Variants in MRTFA observed in about 807,000 individuals in gnomAD.
MRTFA encodes myocardin related transcription factor A.
Under a neutral mutation model 83.5 loss-of-function variants are expected in MRTFA, and 20 were observed. That is an observed-to-expected ratio of 0.24 (90% CI 0.17 to 0.35). The LOEUF is 0.35. Among genes scored for constraint, MRTFA ranks in the 10% least tolerant of loss-of-function variants. The probability of loss-of-function intolerance (pLI) is 1.00; values close to 1 mark genes in which losing one functional copy is unlikely to be tolerated. For missense variants in MRTFA, 1,200 were observed against 1,224.7 expected, an observed-to-expected ratio of 0.98 and a Z score of 0.30; for synonymous variants, 659 against 541.2, an observed-to-expected ratio of 1.22 and a Z score of -3.02.
intron 5 of MRTFA, among the ~76,000 whole-genome samples, chr22:40,432,143 G>A (rs1349301786): frequency 6.6e-6 from 1 of 152,172 alleles, no homozygotes; most frequent in African/African-American, 2.4e-5. Context: ...CTACTTGGGA[G>A]GCTGAAGCAG....
At chr22:40,513,972 C>T (rs1023337660) in intron 3 of MRTFA, among the ~76,000 whole-genome samples, 4 of 151,456 alleles carry the variant, frequency 2.6e-5, no homozygotes, top group Admixed American at 6.6e-5. Flanking sequence ...TAAAAAGAGG[C>T]CGGGCACGGT....
At chr22:40,500,920 G>A (rs1478434556) in intron 3 of MRTFA, among the ~76,000 whole-genome samples, 3 of 149,198 alleles carry the variant, frequency 2.0e-5, no homozygotes, top group African/African-American at 5.0e-5. Context: ...ACACCTCCCA[G>A]ACGGGGTGGT....
rs539942094 is a variant in MRTFA, at chr22:40,493,929, A to C, written c.242-30643T>G. 3.3e-5 allele frequency among the ~76,000 whole-genome samples: 5 copies of C among 152,344 alleles called. No individual in the cohort carries two copies. In the South Asian group the frequency reaches 8.3e-4, roughly 25 times the overall value. The stretch of plus-strand genomic sequence containing the variant: ...GTAAATTGTCTACCTTGTTTCACCT[A>C]AGAAGCGTGTCTTTGGAAATGTGAA... On this transcript the variant is annotated intron_variant, in intron 3 of 14. Coordinates refer to ENST00000355630, the MANE Select transcript of MRTFA (RefSeq NM_020831.6).
intron 3 of MRTFA, among the ~76,000 whole-genome samples, chr22:40,486,178 T>A (rs2054171727): frequency 6.6e-6 from 1 of 152,142 alleles, no homozygotes. Flanking sequence ...CCCACACTTG[T>A]TAGGCTGTCT....
At chr22:40,518,858 CTAAG>C (rs1050588313) in intron 3 of MRTFA, among the ~76,000 whole-genome samples, 4 of 148,372 alleles carry the variant, frequency 2.7e-5, no homozygotes, top group Non-Finnish European at 5.9e-5. Flanking sequence ...ACTGTAAACT[CTAAG>C]TGTTAGCTAT....
Position 40,620,753 on chromosome 22 carries a change from C to T in MRTFA, c.-84+15725G>A, listed in dbSNP as rs146339531. ...ATGGAGATGGGATTATCCAGAAAAG[C>T]TCTATAGAGAACCCTCTTGTCTAAT... On this transcript the variant is annotated intron_variant, in intron 1 of 14. Transcript: ENST00000355630. 6.0e-3 allele frequency among the ~76,000 whole-genome samples: 913 copies of T among 152,146 alleles called. 6 individuals carry two copies. The highest frequency in any genetic ancestry group is 0.022 in the South Asian group (105 of 4,814).
At chr22:40,472,597 T>G (rs1158157187) in intron 3 of MRTFA, among the ~76,000 whole-genome samples, 1 of 152,220 alleles carries the variant, frequency 6.6e-6, no homozygotes, top group Non-Finnish European at 1.5e-5. Context: ...AAATTCCTTT[T>G]TAACAAACGA....
intron 1 of MRTFA, among the ~76,000 whole-genome samples, chr22:40,635,341 A>G (rs972211100): frequency 2.1e-5 from 1 of 48,166 alleles, no homozygotes; most frequent in Non-Finnish European, 3.6e-5. Flanking sequence ...TCTTACTGAC[A>G]ATAAGTCTTA....
chr22:40,481,895 C>T (rs2054098520), intron 3 of MRTFA, among the ~76,000 whole-genome samples: 1 of 151,960 alleles, frequency 6.6e-6, no homozygotes, highest in South Asian at 2.1e-4. Flanking sequence ...CCCGTCTCTA[C>T]TAAAAATACA....
chr22:40,510,837 A>C (rs143418679), intron 3 of MRTFA, among the ~76,000 whole-genome samples: 1 of 152,220 alleles, frequency 6.6e-6, no homozygotes, highest in African/African-American at 2.4e-5. Flanking sequence ...GTGAGGCCAG[A>C]AGGCTGGCAA....
chr22:40,627,167 G>A (rs1220725916), intron 1 of MRTFA, among the ~76,000 whole-genome samples: 2 of 151,912 alleles, frequency 1.3e-5, no homozygotes, highest in Non-Finnish European at 2.9e-5. Flanking sequence ...TTTTGTTTCT[G>A]AGACAGTCTC....
chr22:40,552,316 G>C lies in MRTFA; in HGVS notation c.31C>G (p.Pro11Ala), dbSNP rs570881404. The change falls in exon 3 of 15, where the codon CCT (proline) becomes GCT (alanine). Residue 11 changes from proline (P) to alanine (A), a missense_variant. Physicochemically the swap from Pro to Ala is conservative, Grantham distance 27. Transcript: ENST00000355630. ...AGCCCATTCACAGCAATGACGGAAG[G>C]GGGCAGGCACACCACACTGGAGAAA... The C allele has an allele frequency of 6.3e-5, 25 of 398,952 alleles. No individual in the cohort carries two copies. Among genetic ancestry groups the C allele is most frequent in the Non-Finnish European group, 8.8e-5 (20 of 226,086 alleles). The allele number at this position is 398,952 out of a possible 1,614,324, so 24.7% of individuals were successfully genotyped here. A position where few individuals can be genotyped will look rare whatever the true frequency, so the allele number is the denominator to read the frequency against.
chr22:40,551,723 A>G (rs756339088), intron 3 of MRTFA, among the ~76,000 whole-genome samples: 3 of 152,188 alleles, frequency 2.0e-5, no homozygotes, highest in Non-Finnish European at 2.9e-5. Flanking sequence ...AAAACTTTTA[A>G]GCTAGGAAGT....
intron 4 of MRTFA, among the ~76,000 whole-genome samples, chr22:40,437,070 A>C (rs1192434781): frequency 6.6e-6 from 1 of 152,218 alleles, no homozygotes; most frequent in African/African-American, 2.4e-5. Context: ...TAAAAGTACT[A>C]CTGAGATCCC....
intron 4 of MRTFA, among the ~76,000 whole-genome samples, chr22:40,462,734 G>A (rs1006724704): frequency 6.6e-6 from 1 of 152,114 alleles, no homozygotes; most frequent in African/African-American, 2.4e-5. Context: ...CCATGCTCAC[G>A]CCCAGGCCAG....
chr22:40,564,003 G>C (rs1041855596), intron 2 of MRTFA, among the ~76,000 whole-genome samples: 3 of 152,130 alleles, frequency 2.0e-5, no homozygotes, highest in African/African-American at 7.2e-5. Context: ...ATGCAAAGAA[G>C]GGAACGACCA....
chr22:40,597,489 A>C (rs2056207519), intron 1 of MRTFA, among the ~76,000 whole-genome samples: 1 of 152,208 alleles, frequency 6.6e-6, no homozygotes, highest in Non-Finnish European at 1.5e-5. Flanking sequence ...TCTTACTAAA[A>C]CGGTGCCACA....
At chr22:40,421,660 C>T (rs557540624) in intron 9 of MRTFA, among the ~76,000 whole-genome samples, 9 of 152,294 alleles carry the variant, frequency 5.9e-5, no homozygotes, top group Admixed American at 2.0e-4. Flanking sequence ...CAAAGACCTC[C>T]AGCTGGCACA....
At chr22:40,439,682 G>A (rs1037047757) in intron 4 of MRTFA, among the ~76,000 whole-genome samples, 88 of 152,146 alleles carry the variant, frequency 5.8e-4, no homozygotes, top group Non-Finnish European at 2.9e-5. Flanking sequence ...AGAAGGCTCA[G>A]AAGAGGGGTT....
Sources: gnomAD v4.1 joint callset for allele counts (sites outside exome capture counted in the v4.1 genomes callset) on GRCh38, gnomAD v4.1.1 for gene constraint, MANE v1.5 for transcripts, NCBI Gene and HGNC (gene_info 2026-07-23, HGNC 2026-07-21) for gene names.